The following OCA2 variants were observed in gnomAD, a reference collection of about 807,000 sequenced individuals.
OCA2 encodes the protein P protein.
Under a neutral mutation model 100.2 loss-of-function variants are expected in OCA2, and 77 were observed. The ratio of observed to expected loss-of-function variants is 0.77; its 90% CI spans 0.64 to 0.93. The LOEUF is 0.93. Ranked by LOEUF, OCA2 falls within the 40% of genes least tolerant of loss-of-function variation. OCA2 has a pLI of 0.00. For missense variants in OCA2, 1,062 were observed against 1,089.1 expected (o/e 0.98, Z 0.35); for synonymous variants, 432 against 439.2 (o/e 0.98, Z 0.21).
At chr15:27,966,956 T>C in intron 14 of OCA2, 134 bp from the exon 15 acceptor site, 3 of 1,005,112 alleles carry the variant, frequency 3.0e-6, no homozygotes, top group South Asian at 2.7e-5. Context: ...AGTGAAAACC[T>C]GTCTCTACTA....
intron 23 of OCA2, among the ~76,000 whole-genome samples, chr15:27,789,431 T>C (rs1038382803): frequency 6.6e-6 from 1 of 152,238 alleles, no homozygotes. Flanking sequence ...ATTTTAAATG[T>C]CATACTACTG....
intron 19 of OCA2, among the ~76,000 whole-genome samples, chr15:27,885,887 TTCATA>T: frequency 6.6e-6 from 1 of 152,292 alleles, no homozygotes; most frequent in South Asian, 2.1e-4. Flanking sequence ...AGTTTATATA[TTCATA>T]TATTTGCCAC....
chr15:28,053,184 G>A (rs768672162), intron 2 of OCA2, among the ~76,000 whole-genome samples: 4 of 152,186 alleles, frequency 2.6e-5, no homozygotes, highest in Non-Finnish European at 5.9e-5. Flanking sequence ...GAGGCTTGTG[G>A]CCACAGCGTC....
intron 23 of OCA2, among the ~76,000 whole-genome samples, chr15:27,763,025 T>A (rs976197616): frequency 6.6e-6 from 1 of 152,240 alleles, no homozygotes; most frequent in Admixed American, 6.5e-5. Context: ...ACACTACACT[T>A]TAGGATGCCC....
intron 23 of OCA2, among the ~76,000 whole-genome samples, chr15:27,808,856 C>G (rs988974669): frequency 1.1e-4 from 17 of 152,188 alleles, no homozygotes; most frequent in African/African-American, 3.9e-4. Context: ...TTGGCCACAT[C>G]CCAGGACAAC....
chr15:28,085,055 C>T (rs1248347574), intron 1 of OCA2, among the ~76,000 whole-genome samples: 1 of 152,200 alleles, frequency 6.6e-6, no homozygotes, highest in African/African-American at 2.4e-5. Context: ...CCATGGGCCC[C>T]TAGAGTCTGC....
intron 18 of OCA2, among the ~76,000 whole-genome samples, chr15:27,947,345 T>C (rs1169767342): frequency 2.6e-5 from 4 of 152,292 alleles, no homozygotes; most frequent in Non-Finnish European, 1.5e-5. Context: ...GGCTTGGTCT[T>C]GCTGTGCTGT....
chr15:27,739,954 G>A, the OCA2 span, among the ~76,000 whole-genome samples: 4 of 152,266 alleles, frequency 2.6e-5, no homozygotes, highest in South Asian at 8.3e-4. Context: ...AGAGGTACAG[G>A]TGAGATTTGC....
intron 19 of OCA2, among the ~76,000 whole-genome samples, chr15:27,915,629 T>G (rs2038638721): frequency 6.6e-6 from 1 of 152,092 alleles, no homozygotes; most frequent in African/African-American, 2.4e-5. Flanking sequence ...CTAATCATGT[T>G]GCAAATCAAA....
At chr15:27,868,525 C>T (rs1372683049) in intron 21 of OCA2, among the ~76,000 whole-genome samples, 1 of 151,790 alleles carries the variant, frequency 6.6e-6, no homozygotes, top group Admixed American at 6.6e-5. Context: ...GTCACGCTCA[C>T]GGAAGCAGAG....
intron 14 of OCA2, among the ~76,000 whole-genome samples, chr15:27,977,358 A>G (rs574721351): frequency 6.6e-6 from 1 of 152,208 alleles, no homozygotes; most frequent in Admixed American, 6.5e-5. Flanking sequence ...ACAGGTGTTT[A>G]GTGTTATAAA....
chr15:27,912,080 G>A (rs2038418765), intron 19 of OCA2, among the ~76,000 whole-genome samples: 1 of 152,132 alleles, frequency 6.6e-6, no homozygotes, highest in South Asian at 2.1e-4. Context: ...GAGAGCAAGA[G>A]GCAAATCTTA....
intron 23 of OCA2, among the ~76,000 whole-genome samples, chr15:27,798,245 G>A (rs1005548162): frequency 6.6e-6 from 1 of 152,148 alleles, no homozygotes; most frequent in South Asian, 2.1e-4. Context: ...TCCTCTTCTT[G>A]GCTCACAGGA....
chr15:27,770,079 C>A (rs1447389887), intron 23 of OCA2, among the ~76,000 whole-genome samples: 1 of 152,222 alleles, frequency 6.6e-6, no homozygotes, highest in Non-Finnish European at 1.5e-5. Context: ...GCAGGGCCTG[C>A]AGTGCCCCCC....
In OCA2 at chr15:27,951,829, T is replaced by C. The variant is rs750047317; in HGVS notation, c.1906A>G (p.Met636Val). The C allele has an allele frequency of 1.3e-5, 21 of 1,613,718 alleles. No individual in the cohort carries two copies. In the African/African-American group the frequency reaches 2.7e-4, roughly 21 times the overall value. Residue 636 changes from methionine to valine, a missense_variant, in exon 18 of 24, where the codon ATG becomes GTG. Physicochemically the swap from Met to Val is conservative, Grantham distance 21. Transcript: ENST00000354638. ...GGGACAAACGAATTGAGGAAAAACA[T>C]GAAGATAACAAATCCCAACACTGTC... Reference protein sequence around the residue: ...CLTVLGFVIFMFFLNSFVPGI... With the variant: ...CLTVLGFVIFVFFLNSFVPGI...
At chr15:27,826,867 A>T (rs758078685) in intron 23 of OCA2, among the ~76,000 whole-genome samples, 2 of 152,234 alleles carry the variant, frequency 1.3e-5, no homozygotes, top group Non-Finnish European at 2.9e-5. Context: ...TTGCGTAACA[A>T]ATACTTCCCA....
Position 28,081,645 on chromosome 15 carries a change from C to T in OCA2, c.227+3G>A, listed in dbSNP as rs369314845. 2 of 1,612,878 alleles carry T rather than the reference C, an allele frequency of 1.2e-6. No homozygotes were observed. Among genetic ancestry groups the T allele is most frequent in the Non-Finnish European group, 1.7e-6 (2 of 1,179,434 alleles). On this transcript the variant is annotated splice_donor_region_variant and intron_variant, in intron 2 of 23. Transcript: ENST00000354638. ...TTACAAGATGGCACTATTTTAAACT[C>T]ACCTCCCTTTTGTGAGGAATGAAGC...
intron 9 of OCA2, among the ~76,000 whole-genome samples, chr15:28,010,629 CACTT>C (rs996184066): frequency 2.0e-5 from 3 of 151,930 alleles, no homozygotes; most frequent in African/African-American, 7.3e-5. Flanking sequence ...GAAAAGGAAA[CACTT>C]AGGTATAAAT....
At chr15:27,960,784 A>T (rs1430710237) in intron 15 of OCA2, among the ~76,000 whole-genome samples, 3 of 151,930 alleles carry the variant, frequency 2.0e-5, no homozygotes, top group Non-Finnish European at 4.4e-5. Context: ...GGCACCAGTA[A>T]TCTCAGCTGC....
Sources: allele counts gnomAD v4.1 joint callset (sites outside exome capture counted in the v4.1 genomes callset), GRCh38; gene constraint gnomAD v4.1.1; transcripts MANE v1.5; gene names NCBI Gene and HGNC (gene_info 2026-07-23, HGNC 2026-07-21).